The following BPTF variants were observed in gnomAD, a reference collection of about 807,000 sequenced individuals.
BPTF encodes bromodomain PHD finger transcription factor.
Under a neutral mutation model 292.5 loss-of-function variants are expected in BPTF, and 18 were observed. The observed-to-expected ratio is 0.06, with a 90% CI of 0.04 to 0.09. The LOEUF (loss-of-function observed/expected upper bound fraction) is 0.09, where lower values mean the gene tolerates loss of function less well. Ranked by LOEUF, BPTF falls within the 10% of genes least tolerant of loss-of-function variation. The pLI, the probability that BPTF is intolerant of heterozygous loss-of-function variation, is 1.00. For missense variants in BPTF, 2,726 were observed against 3,498.7 expected (o/e 0.78, Z 5.57); for synonymous variants, 1,225 against 1,251.9 (o/e 0.98, Z 0.45).
chr17:67,945,842 A>G lies in BPTF; in HGVS notation c.7134A>G (p.Gln2378=), dbSNP rs782506249. The G allele has an allele frequency of 1.9e-6, 3 of 1,614,144 alleles. No individual in the cohort carries two copies. Among genetic ancestry groups the G allele is most frequent in the Non-Finnish European group, 1.7e-6 (2 of 1,180,012 alleles). Residue 2378 remains glutamine, a synonymous_variant, in exon 21 of 28, where the codon CAA becomes CAG. Coordinates refer to ENST00000306378, the MANE Select transcript of BPTF (RefSeq NM_182641.4). ...CAACCTCACAACCGATTCCAATTCA[A>G]CCACATACATCTCTTCAGATACCTT... The part of the protein sequence containing the change: ...QTTTSQPIPI[Q]PHTSLQIPSQ...
At chr17:67,847,482 C>T (rs1400322186) in intron 1 of BPTF, among the ~76,000 whole-genome samples, 1 of 151,640 alleles carries the variant, frequency 6.6e-6, no homozygotes, top group African/African-American at 2.4e-5. Flanking sequence ...CCACTGCACT[C>T]CAGCGTGGGT....
At chr17:67,908,212 G>A (rs949889420) in intron 9 of BPTF, among the ~76,000 whole-genome samples, 5 of 152,154 alleles carry the variant, frequency 3.3e-5, no homozygotes, top group African/African-American at 1.2e-4. Flanking sequence ...AGGCTGGAGT[G>A]CAGTGGCACC....
chr17:67,957,762 G>C (rs2067095641), intron 23 of BPTF, among the ~76,000 whole-genome samples: 2 of 152,272 alleles, frequency 1.3e-5, no homozygotes, highest in Middle Eastern at 3.4e-3. Context: ...GGGTTGAGGT[G>C]GGAGGATCAC....
intron 7 of BPTF, among the ~76,000 whole-genome samples, chr17:67,895,311 T>TGCAGGACTG (rs2061365243): frequency 8.9e-6 from 1 of 112,672 alleles, no homozygotes; most frequent in Non-Finnish European, 1.6e-5. Context: ...CCAGCCTGGG[T>TGCAGGACTG]GACAGAGCAA....
rs1234759938 is a variant in BPTF, at chr17:67,920,154, G to T, written c.5557+11G>T. ...CAGAAACACCAAAAGGTAAGAAATA[G>T]AATTCTATTCTTTCATGATTAACCT... is the stretch of plus-strand genomic sequence containing the variant. On this transcript the variant is annotated intron_variant, in intron 13 of 27. Transcript: ENST00000306378. The T allele has an allele frequency of 6.2e-7, 1 of 1,605,994 alleles. No homozygotes were observed. The highest frequency in any genetic ancestry group is 8.5e-7 in the Non-Finnish European group (1 of 1,174,930).
At chr17:67,839,168 ACC>A (rs1567870234) in intron 1 of BPTF, among the ~76,000 whole-genome samples, 31 of 151,984 alleles carry the variant, frequency 2.0e-4, no homozygotes, top group African/African-American at 7.5e-4. Context: ...TGCATTGTGT[ACC>A]ACCTCCAAAG....
intron 1 of BPTF, among the ~76,000 whole-genome samples, chr17:67,838,481 ATACT>A (rs1278164576): frequency 6.6e-6 from 1 of 151,974 alleles, no homozygotes; most frequent in Non-Finnish European, 1.5e-5. Flanking sequence ...GTGTATGTAC[ATACT>A]TTTTTTTTTG....
intron 9 of BPTF, 109 bp from the exon 10 acceptor site, chr17:67,909,473 A>T: frequency 2.7e-6 from 2 of 745,326 alleles, no homozygotes; most frequent in Non-Finnish European, 4.0e-6. Context: ...AAATGAAAAA[A>T]TGAAACATAA....
chr17:67,860,621 C>T (rs2059017910), intron 2 of BPTF, among the ~76,000 whole-genome samples: 1 of 152,176 alleles, frequency 6.6e-6, no homozygotes, highest in Non-Finnish European at 1.5e-5. Flanking sequence ...CCTGTCAATC[C>T]TTTGCTCTGA....
At chr17:67,896,373 G>A (rs139217919) in intron 7 of BPTF, among the ~76,000 whole-genome samples, 1 of 152,170 alleles carries the variant, frequency 6.6e-6, no homozygotes, top group Admixed American at 6.5e-5. Flanking sequence ...TACAATAGAA[G>A]GAAAACATTT....
At chr17:67,922,023 T>C (rs1162930421) in intron 13 of BPTF, among the ~76,000 whole-genome samples, 1 of 151,730 alleles carries the variant, frequency 6.6e-6, no homozygotes, top group East Asian at 1.9e-4. Context: ...AGAGCAAGAC[T>C]CTGTCTCCAA....
At chr17:67,977,533 G>A (rs2069656421) in intron 27 of BPTF, among the ~76,000 whole-genome samples, 1 of 150,464 alleles carries the variant, frequency 6.6e-6, no homozygotes, top group Non-Finnish European at 1.5e-5. Flanking sequence ...AAAAAAAAGT[G>A]TGCTGTCAAA....
At position 67,912,821 on chromosome 17, in the gene BPTF, T is replaced by G. The variant is rs1167919607; in HGVS notation, c.4937T>G (p.Ile1646Ser). Residue 1646 changes from isoleucine (I) to serine (S), a missense_variant, in exon 11 of 28, where the codon ATC becomes AGC. Physicochemically the swap from Ile to Ser is moderately radical, Grantham distance 142. This residue lies in a region of BPTF where 144 missense variants were observed against 177.2 expected (regional missense o/e 0.81). Transcript: ENST00000306378. ...STPSTGGSVD[I>S]ISVKEQSKTV... is the part of the protein sequence containing the mutation. ...CCCTCCACAGGCGGCAGTGTGGACA[T>G]CATCTCTGTAAAGGAGCAGAGCAAA... 6.2e-7 allele frequency: 1 copy of G among 1,614,144 alleles called. No individual in the cohort carries two copies.
intron 4 of BPTF, among the ~76,000 whole-genome samples, chr17:67,878,145 G>A (rs778407810): frequency 2.0e-5 from 3 of 152,130 alleles, no homozygotes; most frequent in Non-Finnish European, 4.4e-5. Flanking sequence ...GAACCATACA[G>A]TATATACTCT....
chr17:67,940,464 A>G lies in BPTF; in HGVS notation c.6285A>G (p.Gln2095=), dbSNP rs73996923. ...GTGCTCCTCAGCAAGTGATGACTCA[A>G]ATCATCAGGGGGCAGCCTGTCTCCA... ...QPGAPQQVMT[Q]IIRGQPVSTA... The change falls in exon 19 of 28, where the codon CAA becomes CAG. Residue 2095 remains glutamine (Q), a synonymous_variant. Transcript: ENST00000306378. 2.2e-3 allele frequency: 3,492 copies of G among 1,614,152 alleles called. 64 individuals are homozygous for G. In the African/African-American group the frequency reaches 0.041, roughly 19 times the overall value.
chr17:67,845,607 C>T (rs769701603), intron 1 of BPTF, among the ~76,000 whole-genome samples: 8 of 151,972 alleles, frequency 5.3e-5, no homozygotes, highest in Non-Finnish European at 2.9e-5. Context: ...GACCCCATCT[C>T]GACAGAAAAT....
chr17:67,933,016 C>T (rs998428434), intron 18 of BPTF, among the ~76,000 whole-genome samples: 4 of 152,014 alleles, frequency 2.6e-5, no homozygotes, highest in African/African-American at 9.7e-5. Flanking sequence ...CTTTGGGAAG[C>T]CAAGGCAGGC....
chr17:67,966,458 C>A (rs2068108248), intron 25 of BPTF, 114 bp from the exon 26 acceptor site: 2 of 846,872 alleles, frequency 2.4e-6, no homozygotes, highest in Non-Finnish European at 3.8e-6. Context: ...TAAAATATTT[C>A]ATGTATCAAA....
At chr17:67,828,182 G>A (rs1310640346) in intron 1 of BPTF, among the ~76,000 whole-genome samples, 4 of 151,906 alleles carry the variant, frequency 2.6e-5, no homozygotes, top group African/African-American at 2.4e-5. Context: ...CGCCTACCTC[G>A]GCCTCCCAAA....
Sources: allele counts gnomAD v4.1 joint callset (sites outside exome capture counted in the v4.1 genomes callset), GRCh38; gene constraint gnomAD v4.1.1; regional missense constraint gnomAD v4.1.1; transcripts MANE v1.5; gene names NCBI Gene and HGNC (gene_info 2026-07-23, HGNC 2026-07-21).